LHFPL2: variants seen among roughly 807,000 people sequenced by gnomAD.
The protein encoded by LHFPL2 is LHFPL tetraspan subfamily member 2 protein.
LHFPL2 carries 7 observed loss-of-function variants against 17.5 expected under a neutral mutation model. The ratio of observed to expected loss-of-function variants is 0.40; its 90% confidence interval spans 0.23 to 0.75. The LOEUF is 0.75. LHFPL2 is among the 30% of genes least tolerant of loss of function. The pLI is 0.37. For synonymous variants in LHFPL2, 134 were observed against 116.2 expected, an observed-to-expected ratio of 1.15 and a Z score of -0.99; for missense variants, 241 against 294.8, an observed-to-expected ratio of 0.82 and a Z score of 1.34.
At chr5:78,590,978 TA>T (rs1743606232) in intron 2 of LHFPL2, among the ~76,000 whole-genome samples, 2 of 152,170 alleles carry the variant, frequency 1.3e-5, no homozygotes, top group Non-Finnish European at 2.9e-5. Flanking sequence ...TGTTTACCAG[TA>T]AAAATTAGAC....
intron 4 of LHFPL2, among the ~76,000 whole-genome samples, chr5:78,508,131 G>C (rs1215657724): frequency 6.6e-6 from 1 of 151,970 alleles, no homozygotes; most frequent in African/African-American, 2.4e-5. Context: ...AGTCAAAAGG[G>C]GACAAGGAGC....
Position 78,609,450 on chromosome 5 carries a change from C to CAAAAAAAAAAAA in LHFPL2, c.-245+22802_-245+22813dup, listed in dbSNP as rs71613975. Among the ~76,000 whole-genome samples the CAAAAAAAAAAAA allele has an allele frequency of 7.6e-4, 31 of 40,676 alleles. 1 individual carries two copies. The highest frequency in any genetic ancestry group is 2.7e-3 in the African/African-American group (31 of 11,678). 26.7% of individuals were successfully genotyped at this position (40,676 alleles called of 152,430 possible). ...TGGGAAACAGAGCGAGACTCAGTCT[C>CAAAAAAAAAAAA]AAAAAAAAAAAAAAAAAAAAAAAAA... On this transcript the variant is annotated intron_variant, in intron 2 of 4. Transcript: ENST00000380345.
intron 2 of LHFPL2, among the ~76,000 whole-genome samples, chr5:78,566,004 GTAAA>G (rs1756850421): frequency 6.6e-6 from 1 of 152,154 alleles, no homozygotes. Context: ...CTGTATACGA[GTAAA>G]TATTTAGAAA....
At chr5:78,642,757 C>A (rs561998923) in intron 1 of LHFPL2, among the ~76,000 whole-genome samples, 9 of 152,134 alleles carry the variant, frequency 5.9e-5, no homozygotes, top group African/African-American at 1.9e-4. Flanking sequence ...TTGGATTCAA[C>A]TGAACTCATT....
chr5:78,488,543 G>A lies in LHFPL2; in HGVS notation c.*354C>T. ...AGCAAGCAGTGTTGGAGCAGAAACA[G>A]CCTGCAGATCTGGCGGACGGTCTCT... On this transcript the variant is annotated 3_prime_UTR_variant, in exon 5 of 5. Transcript: ENST00000380345. The A allele has an allele frequency of 3.7e-6, 1 of 271,806 alleles. No individual in the cohort carries two copies. Among genetic ancestry groups the A allele is most frequent in the South Asian group, 4.8e-5 (1 of 20,950 alleles). The allele number at this position is 271,806 out of a possible 1,614,324, so 16.8% of individuals were successfully genotyped here.
At chr5:78,489,179 T>G (rs1754355589) in intron 4 of LHFPL2, 26 bp from the exon 5 acceptor site, 2 of 1,612,310 alleles carry the variant, frequency 1.2e-6, no homozygotes, top group Non-Finnish European at 1.7e-6. Context: ...GAAAACAGAT[T>G]AGAAAATCCC....
At chr5:78,616,549 C>G (rs952242349) in intron 2 of LHFPL2, among the ~76,000 whole-genome samples, 3 of 152,182 alleles carry the variant, frequency 2.0e-5, no homozygotes, top group Non-Finnish European at 4.4e-5. Context: ...TTTCAGAATA[C>G]TATGCCAATA....
Position 78,527,371 on chromosome 5 carries a change from T to G in LHFPL2, c.-185-16973A>C, listed in dbSNP as rs904300457. ...CTTAATGCTGATGAGGAGTTTTTTT[T>G]TTTTTTTTTTTTTTTCCAAAAGTTC... On this transcript the variant is annotated intron_variant, in intron 3 of 4. Coordinates refer to ENST00000380345, the MANE Select transcript of LHFPL2 (RefSeq NM_005779.3). Among the ~76,000 whole-genome samples the G allele has an allele frequency of 3.4e-5, 5 of 146,892 alleles. 1 individual carries two copies. The South Asian group carries it at 6.5e-4, about 19-fold the overall frequency.
intron 2 of LHFPL2, among the ~76,000 whole-genome samples, chr5:78,595,053 G>C (rs1407674077): frequency 6.6e-6 from 1 of 152,086 alleles, no homozygotes; most frequent in East Asian, 1.9e-4. Context: ...TGTGTGTTTC[G>C]AATTCACACT....
chr5:78,628,348 C>T (rs1745129056), intron 2 of LHFPL2, among the ~76,000 whole-genome samples: 1 of 152,202 alleles, frequency 6.6e-6, no homozygotes, highest in Non-Finnish European at 1.5e-5. Context: ...ATATGAGACC[C>T]TGAACACCCA....
At chr5:78,606,597 C>T (rs761977237) in intron 2 of LHFPL2, among the ~76,000 whole-genome samples, 1 of 152,146 alleles carries the variant, frequency 6.6e-6, no homozygotes, top group East Asian at 1.9e-4. Context: ...CGAGGGTGGG[C>T]GGGGGTGAAA....
rs16875701 is a variant in LHFPL2 at position 78,639,087 on chromosome 5, T to C, written c.-349-6719A>G. Among the ~76,000 whole-genome samples, 940 of 152,290 alleles carry C rather than the reference T, an allele frequency of 6.2e-3. 8 individuals are homozygous for C. Among genetic ancestry groups the C allele is most frequent in the African/African-American group, 0.022 (901 of 41,564 alleles). On this transcript the variant is annotated intron_variant, in intron 1 of 4. Transcript: ENST00000380345. ...AAGGAGCAGTGGTTCTTGCCTAACA[T>C]GGCTGGTCAGACTATCCTAAGAGGC...
At chr5:78,624,580 G>A (rs1036387699) in intron 2 of LHFPL2, among the ~76,000 whole-genome samples, 50 of 152,180 alleles carry the variant, frequency 3.3e-4, no homozygotes, top group African/African-American at 1.2e-3. Context: ...CAGAGTTTGC[G>A]AATTTAAATA....
intron 4 of LHFPL2, among the ~76,000 whole-genome samples, chr5:78,507,526 G>C (rs956141636): frequency 6.6e-6 from 1 of 152,176 alleles, no homozygotes; most frequent in Non-Finnish European, 1.5e-5. Flanking sequence ...TAAACTGCAT[G>C]TAAACAGTCT....
At chr5:78,572,713 C>T (rs1465433600) in intron 2 of LHFPL2, among the ~76,000 whole-genome samples, 1 of 151,994 alleles carries the variant, frequency 6.6e-6, no homozygotes, top group Non-Finnish European at 1.5e-5. Context: ...CAGAGTTTAA[C>T]AGATATACTA....
At chr5:78,538,935 G>A (rs1314911609) in intron 3 of LHFPL2, among the ~76,000 whole-genome samples, 3 of 152,176 alleles carry the variant, frequency 2.0e-5, no homozygotes, top group African/African-American at 4.8e-5. Context: ...GCCATAGTCT[G>A]CAACCTACTT....
chr5:78,640,120 G>A (rs1311215453), intron 1 of LHFPL2, among the ~76,000 whole-genome samples: 1 of 152,106 alleles, frequency 6.6e-6, no homozygotes, highest in Non-Finnish European at 1.5e-5. Context: ...GGCATGTGGG[G>A]AGCTTGTTGC....
intron 2 of LHFPL2, among the ~76,000 whole-genome samples, chr5:78,605,346 C>T (rs750495492): frequency 1.8e-4 from 28 of 152,214 alleles, no homozygotes; most frequent in Non-Finnish European, 3.5e-4. Flanking sequence ...AGCACTGATG[C>T]ACTGCCTGGA....
intron 1 of LHFPL2, 132 bp from the exon 2 acceptor site, chr5:78,632,500 T>C (rs536118213): frequency 6.6e-6 from 1 of 152,350 alleles, no homozygotes; most frequent in Admixed American, 6.5e-5. Context: ...TAGTGTTACC[T>C]GGCCAAGGGG....
Sources: gnomAD v4.1 joint callset for allele counts (sites outside exome capture counted in the v4.1 genomes callset) on GRCh38, gnomAD v4.1.1 for gene constraint, MANE v1.5 for transcripts, NCBI Gene and HGNC (gene_info 2026-07-23, HGNC 2026-07-21) for gene names.